BYSL: variants seen among roughly 807,000 people sequenced by gnomAD.
BYSL encodes the protein bystin.
Under a neutral mutation model 45.4 loss-of-function variants are expected in BYSL, and 21 were observed. The observed-to-expected ratio is 0.46, with a 90% CI of 0.33 to 0.67. The LOEUF (loss-of-function observed/expected upper bound fraction) is 0.67, where lower values mean the gene tolerates loss of function less well. Ranked by LOEUF, BYSL falls within the 30% of genes least tolerant of loss-of-function variation. The pLI is 0.02. For missense variants in BYSL, 522 were observed against 578.5 expected (o/e 0.90, Z 1.00); for synonymous variants, 215 against 231.3 (o/e 0.93, Z 0.64).
chr6:41,922,354 G>A (rs549199160), intron 1 of BYSL, among the ~76,000 whole-genome samples: 97 of 152,350 alleles, frequency 6.4e-4, no homozygotes, highest in Admixed American at 3.1e-3. Context: ...AATGGGAAGT[G>A]TTATGAGCAG....
chr6:41,928,518 C>T (rs1274865943), intron 2 of BYSL, among the ~76,000 whole-genome samples: 1 of 152,208 alleles, frequency 6.6e-6, no homozygotes, highest in African/African-American at 2.4e-5. Context: ...CACCTCATAA[C>T]TCCTACTTCA....
upstream of BYSL, chr6:41,921,209 C>T (rs189576873): frequency 5.6e-6 from 4 of 716,416 alleles, no homozygotes; most frequent in Admixed American, 1.2e-4. Flanking sequence ...CTCGGTGACG[C>T]CTCCACTGAC....
chr6:41,921,968 TG>T, intron 1 of BYSL, 138 bp downstream of exon 1: 3 of 1,274,336 alleles, frequency 2.4e-6, no homozygotes, highest in South Asian at 1.6e-5. Context: ...GACTGAACCC[TG>T]TCTAGAGCCC....
the BYSL span, among the ~76,000 whole-genome samples, chr6:41,914,499 G>A: frequency 1.3e-5 from 2 of 152,174 alleles, no homozygotes; most frequent in African/African-American, 2.4e-5. Flanking sequence ...TTAGAATGTG[G>A]CAAAGCCAGG....
chr6:41,909,033 A>AT, the BYSL span: 1 of 533,722 alleles, frequency 1.9e-6, no homozygotes, highest in Non-Finnish European at 3.2e-6. Context: ...AAAAAAAAAA[A>AT]AATTTAATTC....
At chr6:41,931,315 G>T in intron 4 of BYSL, 81 bp from the exon 5 acceptor site, 2 of 1,512,224 alleles carry the variant, frequency 1.3e-6, no homozygotes, top group Non-Finnish European at 1.8e-6. Flanking sequence ...CCTCTTGTAT[G>T]CACTATCCAT....
chr6:41,916,745 A>C (rs1775324014), upstream of BYSL: 2 of 1,609,842 alleles, frequency 1.2e-6, no homozygotes, highest in African/African-American at 2.7e-5. Flanking sequence ...TCTTAACTCC[A>C]AGCCTGGTTC....
intron 2 of BYSL, 81 bp downstream of exon 2, chr6:41,927,617 C>G (rs1325571755): frequency 6.4e-7 from 1 of 1,550,870 alleles, no homozygotes; most frequent in Admixed American, 1.8e-5. Flanking sequence ...CTTATGATTC[C>G]CTACCTTTGG....
intron 2 of BYSL, among the ~76,000 whole-genome samples, chr6:41,929,392 A>T (rs1447972159): frequency 1.3e-5 from 2 of 152,164 alleles, no homozygotes; most frequent in South Asian, 2.1e-4. Flanking sequence ...CAGCTACTCG[A>T]GAGACTGAGG....
chr6:41,922,320 C>T (rs576907570), intron 1 of BYSL, among the ~76,000 whole-genome samples: 29 of 152,324 alleles, frequency 1.9e-4, no homozygotes, highest in African/African-American at 6.0e-4. Context: ...GCAGCAGGAC[C>T]TTTAAGCTGA....
At chr6:41,927,345 G>A (rs745497040) in intron 1 of BYSL, 29 bp from the exon 2 acceptor site, 1 of 1,611,874 alleles carries the variant, frequency 6.2e-7, no homozygotes, top group Non-Finnish European at 8.5e-7. Flanking sequence ...CTTTTGCTGT[G>A]CTCATCCATT....
chr6:41,921,219 C>T (rs975316272), upstream of BYSL: 8 of 697,156 alleles, frequency 1.1e-5, no homozygotes, highest in South Asian at 6.0e-5. Flanking sequence ...CCTCCACTGA[C>T]ATCATCTGCG....
Position 41,932,991 on chromosome 6 carries a change from C to G in BYSL, c.*285C>G, listed in dbSNP as rs1053156. 2.3e-6 allele frequency: 1 copy of G among 428,468 alleles called. No individual in the cohort carries two copies. The highest frequency in any genetic ancestry group is 3.9e-5 in the Admixed American group (1 of 25,534). The allele number at this position is 428,468 out of a possible 1,614,324, so 26.5% of individuals were successfully genotyped here. ...CTGGGGCTTGGTGTGAGTACTTTTT[C>G]TATGGCTATTGTGTCAGGTCACTGT... On this transcript the variant is annotated 3_prime_UTR_variant, in exon 7 of 7. Coordinates refer to ENST00000230340, the MANE Select transcript of BYSL (RefSeq NM_004053.4). The surrounding 1 kb of genome is among the most constrained non-coding windows in gnomAD (Gnocchi z 4.7).
chr6:41,919,788 C>G (rs879720429), upstream of BYSL, among the ~76,000 whole-genome samples: 5 of 152,152 alleles, frequency 3.3e-5, no homozygotes, highest in Non-Finnish European at 5.9e-5. Context: ...AAAGAAAGAG[C>G]AAGGGTTCCA....
At chr6:41,923,680 C>A (rs746522267) in intron 1 of BYSL, among the ~76,000 whole-genome samples, 5 of 152,218 alleles carry the variant, frequency 3.3e-5, no homozygotes, top group Non-Finnish European at 7.3e-5. Context: ...ACGACCCTCC[C>A]TGCCTTGGCC....
chr6:41,914,819 G>A, the BYSL span, among the ~76,000 whole-genome samples: 5 of 152,062 alleles, frequency 3.3e-5, no homozygotes, highest in African/African-American at 1.2e-4. Context: ...ATTGATTTAT[G>A]CTAATGAGGA....
the BYSL span, among the ~76,000 whole-genome samples, chr6:41,914,785 T>C: frequency 6.6e-6 from 1 of 151,854 alleles, no homozygotes; most frequent in South Asian, 2.1e-4. Context: ...CCCCATCTCA[T>C]CACTCAAAAC....
intron 1 of BYSL, 130 bp downstream of exon 1, chr6:41,921,960 C>CAGGGTTCAGTCTCCTT: frequency 7.5e-7 from 1 of 1,337,614 alleles, no homozygotes; most frequent in Non-Finnish European, 9.9e-7. Context: ...GCAAAGGAGA[C>CAGGGTTCAGTCTCCTT]TGAACCCTGT....
Position 41,921,533 on chromosome 6 carries a change from C to A in BYSL, c.-30C>A, listed in dbSNP as rs766628254. Reference sequence around the variant, plus strand: ...CTGGCCTTTCTTCAGTCCCCACGTGCGATCCTTCCCGGCAACTTTTTCGAG... The same window carrying A: ...CTGGCCTTTCTTCAGTCCCCACGTGAGATCCTTCCCGGCAACTTTTTCGAG... On this transcript the variant is annotated 5_prime_UTR_variant, in exon 1 of 7. Coordinates refer to ENST00000230340, the MANE Select transcript of BYSL (RefSeq NM_004053.4). 9 of 1,548,060 alleles carry A rather than the reference C, an allele frequency of 5.8e-6. No homozygotes were observed. In the South Asian group the frequency reaches 6.2e-5, roughly 11 times the overall value.
Sources: allele counts gnomAD v4.1 joint callset (sites outside exome capture counted in the v4.1 genomes callset), GRCh38; gene constraint gnomAD v4.1.1; non-coding constraint Gnocchi (gnomAD v3.1); transcripts MANE v1.5; gene names NCBI Gene and HGNC (gene_info 2026-07-23, HGNC 2026-07-21).